Variants in AKAP13 observed in about 807,000 individuals in gnomAD.
The protein encoded by AKAP13 is A-kinase anchor protein 13.
A neutral mutation model predicts 264.5 loss-of-function variants in AKAP13; 80 were observed. The ratio of observed to expected loss-of-function variants is 0.30; its 90% CI spans 0.25 to 0.36. AKAP13 has a LOEUF of 0.36. AKAP13 is among the 10% of genes least tolerant of loss of function. AKAP13 has a pLI of 1.00. For synonymous variants in AKAP13, 1,380 were observed against 1,250.2 expected (o/e 1.10, Z -2.19); for missense variants, 3,712 against 3,435.2 (o/e 1.08, Z -2.01).
At chr15:85,578,191 C>T (rs2079077088) in intron 6 of AKAP13, among the ~76,000 whole-genome samples, 1 of 152,128 alleles carries the variant, frequency 6.6e-6, no homozygotes, top group Non-Finnish European at 1.5e-5. Context: ...GCTGAGGCGG[C>T]AGGGTCACTT....
chr15:85,569,850 G>A (rs545692835), intron 5 of AKAP13, among the ~76,000 whole-genome samples: 1 of 152,054 alleles, frequency 6.6e-6, no homozygotes, highest in East Asian at 2.0e-4. Flanking sequence ...GGCCAAGGCA[G>A]GTGGATCACA....
At chr15:85,626,885 A>G (rs766819222) in intron 8 of AKAP13, among the ~76,000 whole-genome samples, 1 of 152,140 alleles carries the variant, frequency 6.6e-6, no homozygotes. Context: ...AAGAATTCCA[A>G]TTTCAACACA....
chr15:85,590,776 T>C (rs2079549059), intron 8 of AKAP13, among the ~76,000 whole-genome samples: 1 of 152,248 alleles, frequency 6.6e-6, no homozygotes, highest in South Asian at 2.1e-4. Flanking sequence ...CCTCCACCTG[T>C]ATGCTTTACT....
At chr15:85,418,224 C>T (rs531402199) in intron 1 of AKAP13, among the ~76,000 whole-genome samples, 70 of 151,930 alleles carry the variant, frequency 4.6e-4, no homozygotes, top group African/African-American at 1.3e-3. Context: ...TACAGGCGTG[C>T]GCCACCATGC....
At chr15:85,495,173 G>A (rs2075835638) in intron 2 of AKAP13, among the ~76,000 whole-genome samples, 1 of 152,258 alleles carries the variant, frequency 6.6e-6, no homozygotes, top group East Asian at 1.9e-4. Flanking sequence ...ATTAGCTCTG[G>A]ATCAGTGAGA....
At chr15:85,441,444 G>A (rs1298858191) in intron 1 of AKAP13, among the ~76,000 whole-genome samples, 1 of 151,918 alleles carries the variant, frequency 6.6e-6, no homozygotes, top group Non-Finnish European at 1.5e-5. Context: ...AGTCTCTGAC[G>A]TAGAGTCTTG....
chr15:85,630,238 C>CACACACACACACGT (rs1330831151), intron 8 of AKAP13, among the ~76,000 whole-genome samples: 1 of 148,010 alleles, frequency 6.8e-6, no homozygotes, highest in Non-Finnish European at 1.5e-5. Context: ...AATTGTAACA[C>CACACACACACACGT]ACACACACAC....
At chr15:85,717,206 A>C in intron 20 of AKAP13, 84 bp from the exon 21 acceptor site, 1 of 823,190 alleles carries the variant, frequency 1.2e-6, no homozygotes, top group Non-Finnish European at 1.9e-6. Flanking sequence ...TTGTCATTCT[A>C]GAGTCTTCAG....
At chr15:85,618,760 T>A (rs1453818125) in intron 8 of AKAP13, among the ~76,000 whole-genome samples, 2 of 152,202 alleles carry the variant, frequency 1.3e-5, no homozygotes, top group Admixed American at 1.3e-4. Context: ...GCAACAAATA[T>A]TAACATACAC....
At chr15:85,669,884 C>A in intron 14 of AKAP13, 54 bp downstream of exon 14, 1 of 1,354,384 alleles carries the variant, frequency 7.4e-7, no homozygotes, top group Non-Finnish European at 1.0e-6. Flanking sequence ...AACCACTCTT[C>A]CTATTATTTT....
intron 1 of AKAP13, among the ~76,000 whole-genome samples, chr15:85,435,832 G>A (rs1000755692): frequency 6.0e-5 from 9 of 150,270 alleles, no homozygotes; most frequent in African/African-American, 2.2e-4. Context: ...AACGTGGAAA[G>A]GAACAACTGG....
chr15:85,686,047 C>T (rs2084892276), intron 16 of AKAP13, among the ~76,000 whole-genome samples: 1 of 152,090 alleles, frequency 6.6e-6, no homozygotes, highest in African/African-American at 2.4e-5. Flanking sequence ...CTTTTCGCCT[C>T]TCACACCCTG....
At chr15:85,524,533 G>C (rs905050598) in intron 3 of AKAP13, among the ~76,000 whole-genome samples, 2 of 151,884 alleles carry the variant, frequency 1.3e-5, no homozygotes, top group Non-Finnish European at 2.9e-5. Flanking sequence ...TGCTGGCTCT[G>C]ATTTTTCTTT....
Position 85,722,334 on chromosome 15 carries a change from G to T in AKAP13, c.6483G>T (p.Leu2161Phe), listed in dbSNP as rs774347998. ...ACCCAGTTTTATTCCAAAGAATATT[G>T]CAGTGTACCAAAGGTAAGTCTCCTT... ...TKYPVLFQRI[L>F]QCTKDNEVEQ... The change falls in exon 25 of 37, where the codon TTG becomes TTT. Residue 2161 changes from leucine to phenylalanine, a missense_variant. Around this residue, in one of 3 missense-constraint regions of AKAP13, gnomAD observed 342 missense variants for 484.3 expected, o/e 0.71. Coordinates refer to ENST00000394518, the MANE Select transcript of AKAP13 (RefSeq NM_007200.5). 3.0e-5 allele frequency: 48 copies of T among 1,611,516 alleles called. 3 individuals carry two copies. In the South Asian group the frequency reaches 5.2e-4, roughly 17 times the overall value.
chr15:85,504,908 ACCCTCTCCCCCTCTCC>A (rs1001585824), intron 2 of AKAP13, among the ~76,000 whole-genome samples: 1 of 147,446 alleles, frequency 6.8e-6, no homozygotes, highest in East Asian at 2.0e-4. Context: ...TCTCCCTCGC[ACCCTCTCCCCCTCTCC>A]CCCTCTCTCC....
intron 13 of AKAP13, among the ~76,000 whole-genome samples, chr15:85,667,065 G>A (rs181884452): frequency 6.6e-6 from 1 of 152,238 alleles, no homozygotes; most frequent in African/African-American, 2.4e-5. Flanking sequence ...TTGAATAGAT[G>A]ACTGGAGTTT....
intron 1 of AKAP13, among the ~76,000 whole-genome samples, chr15:85,390,134 G>A (rs1235916145): frequency 6.6e-6 from 1 of 152,096 alleles, no homozygotes; most frequent in Non-Finnish European, 1.5e-5. Context: ...AGTATCTTTT[G>A]TTTGTCAGGC....
intron 1 of AKAP13, among the ~76,000 whole-genome samples, chr15:85,441,366 A>G (rs534755366): frequency 6.6e-6 from 1 of 152,238 alleles, no homozygotes; most frequent in Admixed American, 6.5e-5. Flanking sequence ...ATTGAGTTAT[A>G]AGAGTTCTTT....
chr15:85,572,737 G>A (rs562638279), intron 5 of AKAP13, among the ~76,000 whole-genome samples: 1 of 151,866 alleles, frequency 6.6e-6, no homozygotes, highest in Non-Finnish European at 1.5e-5. Flanking sequence ...TATTACATAG[G>A]TATACACGTG....
Sources: allele counts gnomAD v4.1 joint callset (sites outside exome capture counted in the v4.1 genomes callset), GRCh38; gene constraint gnomAD v4.1.1; regional missense constraint gnomAD v4.1.1; transcripts MANE v1.5; gene names NCBI Gene and HGNC (gene_info 2026-07-23, HGNC 2026-07-21).